Variants in PITPNC1 observed in about 807,000 individuals in gnomAD.
PITPNC1 encodes cytoplasmic phosphatidylinositol transfer protein 1.
PITPNC1 carries 18 observed loss-of-function variants against 44.7 expected under a neutral mutation model. The observed-to-expected ratio is 0.40, with a 90% CI of 0.28 to 0.60. The LOEUF is 0.60. Among genes scored for constraint, PITPNC1 ranks in the 20% least tolerant of loss-of-function variants. PITPNC1 has a pLI of 0.39. For missense variants in PITPNC1, 290 were observed against 418.4 expected, an observed-to-expected ratio of 0.69 and a Z score of 2.68; for synonymous variants, 141 against 149.6, an observed-to-expected ratio of 0.94 and a Z score of 0.42.
At chr17:67,592,770 C>T (rs556409717) in intron 5 of PITPNC1, among the ~76,000 whole-genome samples, 5 of 152,354 alleles carry the variant, frequency 3.3e-5, no homozygotes, top group Non-Finnish European at 4.4e-5. Context: ...GACACAGTGG[C>T]TCATGCCTGT....
intron 5 of PITPNC1, among the ~76,000 whole-genome samples, chr17:67,590,953 C>CA (rs200548431): frequency 0.055 from 6,748 of 123,256 alleles, 217 homozygotes; most frequent in African/African-American, 0.092. Context: ...AACTCTGTCT[C>CA]AAAAAAAAAA....
intron 6 of PITPNC1, among the ~76,000 whole-genome samples, chr17:67,657,790 G>C (rs2042289721): frequency 6.6e-6 from 1 of 152,150 alleles, no homozygotes; most frequent in Non-Finnish European, 1.5e-5. Flanking sequence ...CATCGTTTTT[G>C]CTGTGCAAGC....
At chr17:67,680,466 T>G (rs549882751) in intron 8 of PITPNC1, among the ~76,000 whole-genome samples, 152 of 152,050 alleles carry the variant, frequency 1.0e-3, no homozygotes, top group Middle Eastern at 3.4e-3. Flanking sequence ...TAGGCGTGGT[T>G]GCGGGCACCT....
At chr17:67,535,504 T>C (rs748472528) in intron 2 of PITPNC1, among the ~76,000 whole-genome samples, 4 of 152,256 alleles carry the variant, frequency 2.6e-5, no homozygotes, top group African/African-American at 7.2e-5. Context: ...TAAGTTTTGC[T>C]GAAACACAAT....
intron 6 of PITPNC1, chr17:67,632,569 CTT>C (rs1246213208): frequency 8.7e-4 from 128 of 146,624 alleles, no homozygotes; most frequent in East Asian, 1.9e-3. Context: ...TACATGCGCT[CTT>C]TTTTTTTTTT....
rs192817195 is a variant in PITPNC1 at position 67,694,362 on chromosome 17, A to G, written c.*1474A>G. ...CTGATCGTAACCTCCAACCTCAGGA[A>G]AGGGACCTTCCCAAAACACAGATCC... On this transcript the variant is annotated 3_prime_UTR_variant, in exon 9 of 9. Coordinates refer to ENST00000581322, the MANE Select transcript of PITPNC1 (RefSeq NM_012417.4). 1 of 152,390 alleles carries G rather than the reference A, an allele frequency of 6.6e-6. No homozygotes were observed. The highest frequency in any genetic ancestry group is 1.9e-4 in the East Asian group (1 of 5,192). 9.4% of individuals were successfully genotyped at this position (152,390 alleles called of 1,614,324 possible).
At chr17:67,656,268 G>T (rs551140386) in intron 6 of PITPNC1, among the ~76,000 whole-genome samples, 1 of 152,272 alleles carries the variant, frequency 6.6e-6, no homozygotes, top group South Asian at 2.1e-4. Context: ...GAGAGATTTC[G>T]AGGCTCTAGG....
chr17:67,583,457 G>A (rs1269270989), intron 5 of PITPNC1, among the ~76,000 whole-genome samples: 1 of 151,656 alleles, frequency 6.6e-6, no homozygotes, highest in Admixed American at 6.6e-5. Context: ...GTGTGGTGGT[G>A]CATGCCTGTA....
rs529820549 is a variant in PITPNC1, at chr17:67,602,269, G to T, written c.366+24012G>T. Among the ~76,000 whole-genome samples, 12 of 152,294 alleles carry T rather than the reference G, an allele frequency of 7.9e-5. No individual in the cohort carries two copies. In the East Asian group the frequency reaches 1.5e-3, roughly 20 times the overall value. On this transcript the variant is annotated intron_variant, in intron 5 of 8. Transcript: ENST00000581322. ...TTTGGAGTCCAGTGAAGACTCTTGG[G>T]AATTGGAGAGCTTGGTGAGGTCAAG... is the stretch of plus-strand genomic sequence containing the variant.
chr17:67,441,981 G>A (rs2039018215), intron 1 of PITPNC1, among the ~76,000 whole-genome samples: 1 of 151,834 alleles, frequency 6.6e-6, no homozygotes, highest in Non-Finnish European at 1.5e-5. Context: ...ATTTAGTTGA[G>A]TAGAATAAAC....
chr17:67,498,921 G>T (rs567230956), intron 1 of PITPNC1, among the ~76,000 whole-genome samples: 4 of 150,442 alleles, frequency 2.7e-5, no homozygotes, highest in South Asian at 4.2e-4. Context: ...GCCCAGGCTG[G>T]AATGCAGTAG....
chr17:67,399,251 G>T (rs931894252), intron 1 of PITPNC1, among the ~76,000 whole-genome samples: 1 of 152,202 alleles, frequency 6.6e-6, no homozygotes, highest in East Asian at 1.9e-4. Context: ...CTGACCTTGT[G>T]ATCTGCTCAC....
rs34364657 is a variant in PITPNC1 at position 67,497,529 on chromosome 17, C to CTTTTT, written c.49-35257_49-35253dup. Among the ~76,000 whole-genome samples, 259 of 87,504 alleles carry CTTTTT rather than the reference C, an allele frequency of 3.0e-3. 10 individuals carry two copies. The highest frequency in any genetic ancestry group is 0.016 in the Middle Eastern group (1 of 64). The allele number at this position is 87,504 out of a possible 152,430, so 57.4% of individuals were successfully genotyped here. A position where few individuals can be genotyped will look rare whatever the true frequency, so the allele number is the denominator to read the frequency against. ...TGTGTCTCCATAAACTTGTTCGTGT[C>CTTTTT]TTTTTTTTTTTTTTTTTTTTGAGAT... is the stretch of plus-strand genomic sequence containing the variant. On this transcript the variant is annotated intron_variant, in intron 1 of 8. Transcript: ENST00000581322.
chr17:67,443,388 A>G (rs1433635039), intron 1 of PITPNC1, among the ~76,000 whole-genome samples: 2 of 150,466 alleles, frequency 1.3e-5, no homozygotes, highest in Non-Finnish European at 3.0e-5. Context: ...CTGTTTTCCC[A>G]TAGGAAATTG....
chr17:67,498,700 A>C (rs866675784), intron 1 of PITPNC1, among the ~76,000 whole-genome samples: 71 of 152,160 alleles, frequency 4.7e-4, no homozygotes, highest in Admixed American at 1.8e-3. Context: ...CGTCCTTGCC[A>C]ACACTTGTTA....
intron 5 of PITPNC1, among the ~76,000 whole-genome samples, chr17:67,610,155 C>A (rs1598883477): frequency 6.6e-6 from 1 of 152,168 alleles, no homozygotes; most frequent in Non-Finnish European, 1.5e-5. Context: ...GTGTTAAGTG[C>A]CAGCATTACC....
chr17:67,652,760 C>A (rs962299613), intron 6 of PITPNC1, among the ~76,000 whole-genome samples: 1 of 152,182 alleles, frequency 6.6e-6, no homozygotes, highest in South Asian at 2.1e-4. Context: ...TTCGGTGCTC[C>A]GTGACCACAT....
At chr17:67,387,120 T>G (rs1444119656) in intron 1 of PITPNC1, among the ~76,000 whole-genome samples, 1 of 152,170 alleles carries the variant, frequency 6.6e-6, no homozygotes, top group African/African-American at 2.4e-5. Flanking sequence ...TCCAAATCAT[T>G]CAAACGAACA....
chr17:67,668,270 T>A (rs1301092413), intron 6 of PITPNC1, among the ~76,000 whole-genome samples: 1 of 152,226 alleles, frequency 6.6e-6, no homozygotes, highest in Admixed American at 6.5e-5. Context: ...TTGCTTAACA[T>A]AGCATCAGTG....
Sources: gnomAD v4.1 joint callset for allele counts (sites outside exome capture counted in the v4.1 genomes callset) on GRCh38, gnomAD v4.1.1 for gene constraint, MANE v1.5 for transcripts, NCBI Gene and HGNC (gene_info 2026-07-23, HGNC 2026-07-21) for gene names.